The following LRRC37A2 variants were observed in gnomAD, a reference collection of about 807,000 sequenced individuals.
The protein encoded by LRRC37A2 is leucine-rich repeat-containing protein 37A2.
Under a neutral mutation model 68.8 loss-of-function variants are expected in LRRC37A2, and 9 were observed. That is an observed-to-expected ratio of 0.13 (90% CI 0.08 to 0.23). The LOEUF (loss-of-function observed/expected upper bound fraction) is 0.23. Ranked by LOEUF, LRRC37A2 falls within the 10% of genes least tolerant of loss-of-function variation. The probability of loss-of-function intolerance (pLI) is 1.00; values close to 1 mark genes in which losing one functional copy is unlikely to be tolerated. For synonymous variants in LRRC37A2, 63 were observed against 367.6 expected, an observed-to-expected ratio of 0.17 and a Z score of 9.48; for missense variants, 168 against 950.4, an observed-to-expected ratio of 0.18 and a Z score of 10.82.
chr17:47,001,578 T>A, the LRRC37A2 span, among the ~76,000 whole-genome samples: 2 of 152,134 alleles, frequency 1.3e-5, no homozygotes, highest in Non-Finnish European at 2.9e-5. Context: ...GAAATCATTA[T>A]CACAATCAAG....
At chr17:46,833,590 G>T in the LRRC37A2 span, 1 of 367,620 alleles carries the variant, frequency 2.7e-6, no homozygotes, top group South Asian at 2.0e-5. Context: ...AGTGTGGTGG[G>T]CAGCCCTGCT....
At chr17:46,781,150 C>A in the LRRC37A2 span, among the ~76,000 whole-genome samples, 1 of 151,696 alleles carries the variant, frequency 6.6e-6, no homozygotes, top group East Asian at 1.9e-4. Flanking sequence ...ATTGCTTGAA[C>A]CTGAGAGGCA....
At chr17:47,006,157 C>G in the LRRC37A2 span, among the ~76,000 whole-genome samples, 7 of 151,698 alleles carry the variant, frequency 4.6e-5, no homozygotes, top group Admixed American at 2.0e-4. Flanking sequence ...TGCAACAGAG[C>G]GAGACTCCAT....
the LRRC37A2 span, among the ~76,000 whole-genome samples, chr17:46,928,515 G>A: frequency 6.6e-6 from 1 of 152,174 alleles, no homozygotes; most frequent in African/African-American, 2.4e-5. Flanking sequence ...ACTGATCATG[G>A]AGGACCATTA....
chr17:46,774,330 C>G, the LRRC37A2 span, among the ~76,000 whole-genome samples: 1 of 152,256 alleles, frequency 6.6e-6, no homozygotes, highest in African/African-American at 2.4e-5. Flanking sequence ...CACATGGACA[C>G]TTCCAGTGAC....
chr17:46,898,717 G>GAGTC, the LRRC37A2 span, among the ~76,000 whole-genome samples: 6 of 152,194 alleles, frequency 3.9e-5, no homozygotes, highest in Non-Finnish European at 7.3e-5. Context: ...ATTCAACAGA[G>GAGTC]AGTCAGACAA....
chr17:46,930,969 T>C, the LRRC37A2 span: 1 of 682,002 alleles, frequency 1.5e-6, no homozygotes, highest in Non-Finnish European at 2.7e-6. Flanking sequence ...CATTAGTGTA[T>C]ACATTTTTCT....
chr17:46,918,364 C>T, the LRRC37A2 span, among the ~76,000 whole-genome samples: 8 of 152,182 alleles, frequency 5.3e-5, no homozygotes, highest in African/African-American at 1.2e-4. Flanking sequence ...AGGCGTGAAC[C>T]GCCGCCCCCG....
At chr17:46,404,998 T>C in the LRRC37A2 span, among the ~76,000 whole-genome samples, 6 of 89,142 alleles carry the variant, frequency 6.7e-5, 1 homozygote, top group Non-Finnish European at 1.1e-4. Flanking sequence ...AGCTCAGGAG[T>C]TCGAGACCAG....
At chr17:46,917,509 C>T in the LRRC37A2 span, among the ~76,000 whole-genome samples, 245 of 152,334 alleles carry the variant, frequency 1.6e-3, 1 homozygote, top group African/African-American at 5.7e-3. Context: ...TTTGGGCAGT[C>T]CCACCTCTAC....
At chr17:46,793,400 C>T in the LRRC37A2 span, among the ~76,000 whole-genome samples, 4 of 151,888 alleles carry the variant, frequency 2.6e-5, no homozygotes, top group Admixed American at 6.6e-5. Context: ...TCTGCTGCTC[C>T]GGCCGCTGTT....
the LRRC37A2 span, among the ~76,000 whole-genome samples, chr17:47,014,421 A>G: frequency 6.6e-6 from 1 of 151,962 alleles, no homozygotes; most frequent in South Asian, 2.1e-4. Context: ...AAAAAGAAAA[A>G]CAACTCAAGG....
At chr17:46,779,239 C>T in the LRRC37A2 span, among the ~76,000 whole-genome samples, 2 of 152,198 alleles carry the variant, frequency 1.3e-5, no homozygotes, top group Non-Finnish European at 2.9e-5. Flanking sequence ...TCCGGAGCTT[C>T]CGCCTACACA....
At chr17:46,988,674 A>G in the LRRC37A2 span, among the ~76,000 whole-genome samples, 2 of 152,164 alleles carry the variant, frequency 1.3e-5, no homozygotes, top group Admixed American at 6.5e-5. Flanking sequence ...AGGGTTGAAC[A>G]TGATGAGTCT....
the LRRC37A2 span, among the ~76,000 whole-genome samples, chr17:46,894,517 C>T: frequency 6.6e-6 from 1 of 152,256 alleles, no homozygotes; most frequent in African/African-American, 2.4e-5. Context: ...ACCCTACAGC[C>T]CTTGAGGGAG....
chr17:46,995,129 C>T, the LRRC37A2 span, among the ~76,000 whole-genome samples: 1 of 152,082 alleles, frequency 6.6e-6, no homozygotes, highest in South Asian at 2.1e-4. Flanking sequence ...CCCCCACTCC[C>T]CCAAACAATA....
chr17:47,025,132 A>AG, the LRRC37A2 span, among the ~76,000 whole-genome samples: 1 of 152,222 alleles, frequency 6.6e-6, no homozygotes, highest in African/African-American at 2.4e-5. Context: ...GCATTTTTAA[A>AG]GGACTGTGAA....
chr17:46,929,602 G>C, the LRRC37A2 span: 1 of 1,267,146 alleles, frequency 7.9e-7, no homozygotes, highest in South Asian at 1.2e-5. Context: ...ATTAACTGTG[G>C]AGACCAGAGT....
the LRRC37A2 span, among the ~76,000 whole-genome samples, chr17:46,843,859 A>G: frequency 3.3e-5 from 5 of 152,318 alleles, no homozygotes; most frequent in African/African-American, 1.2e-4. Flanking sequence ...CTCCTCAAGG[A>G]CAAGAACTGA....
Sources: gnomAD v4.1 joint callset for allele counts (sites outside exome capture counted in the v4.1 genomes callset) on GRCh38, gnomAD v4.1.1 for gene constraint, MANE v1.5 for transcripts, NCBI Gene and HGNC (gene_info 2026-07-23, HGNC 2026-07-21) for gene names.